Variants in ACYP2 observed in about 807,000 individuals in gnomAD.
ACYP2 encodes acylphosphatase-2.
In ACYP2, 12 loss-of-function variants were observed where a neutral mutation model predicts 11.2. The observed-to-expected ratio is 1.08, with a 90% CI of 0.69 to 1.74. The LOEUF (loss-of-function observed/expected upper bound fraction) is 1.74, where lower values mean the gene tolerates loss of function less well. ACYP2 is among the 40% of genes most tolerant of loss of function. The pLI is 0.00. For missense variants in ACYP2, 134 were observed against 101.9 expected, an observed-to-expected ratio of 1.31 and a Z score of -1.35; for synonymous variants, 43 against 32.2, an observed-to-expected ratio of 1.33 and a Z score of -1.13.
At chr2:54,266,483 A>G (rs1558655638) in intron 6 of ACYP2, among the ~76,000 whole-genome samples, 1 of 151,336 alleles carries the variant, frequency 6.6e-6, no homozygotes, top group Admixed American at 6.6e-5. Context: ...ACCAGGTACT[A>G]TCATTGGCCC....
rs1035872803 is a variant in ACYP2, at chr2:54,143,640, G to A, written c.404+4892G>A. 4.7e-5 allele frequency among the ~76,000 whole-genome samples: 7 copies of A among 149,632 alleles called. No individual in the cohort carries two copies. The South Asian group carries it at 6.3e-4, about 14-fold the overall frequency. On this transcript the variant is annotated intron_variant, in intron 6 of 6. Transcript: ENST00000607452. ...GTAGAGACAGGGTTTCACCATATTC[G>A]CCAGGCTGGCCTCGAACTCCTGACC...
At chr2:54,292,091 G>C (rs1374159498) in intron 6 of ACYP2, among the ~76,000 whole-genome samples, 3 of 152,112 alleles carry the variant, frequency 2.0e-5, no homozygotes, top group African/African-American at 7.2e-5. Context: ...TGTCCAGGCT[G>C]GTCTCAAACT....
intron 6 of ACYP2, chr2:54,142,162 T>C (rs1681646250): frequency 2.7e-6 from 1 of 365,796 alleles, no homozygotes; most frequent in Non-Finnish European, 4.9e-6. Context: ...AAATAAACTT[T>C]ATTTTTGAGA....
chr2:54,290,640 A>G, intron 6 of ACYP2, among the ~76,000 whole-genome samples: 1 of 152,188 alleles, frequency 6.6e-6, no homozygotes, highest in East Asian at 1.9e-4. Flanking sequence ...ACAATTTGGC[A>G]CTAGATTATC....
chr2:54,223,045 A>G (rs1685865380), intron 6 of ACYP2: 1 of 152,082 alleles, frequency 6.6e-6, no homozygotes, highest in Admixed American at 6.6e-5. Context: ...ATACCCAACA[A>G]CTTTGGAGTC....
At chr2:54,280,506 G>A (rs1420792569) in intron 6 of ACYP2, among the ~76,000 whole-genome samples, 1 of 151,964 alleles carries the variant, frequency 6.6e-6, no homozygotes, top group East Asian at 1.9e-4. Context: ...AAGATTAAGA[G>A]AACACAAAAT....
At chr2:54,224,951 G>A (rs1359564847) in intron 6 of ACYP2, among the ~76,000 whole-genome samples, 1 of 152,200 alleles carries the variant, frequency 6.6e-6, no homozygotes, top group African/African-American at 2.4e-5. Flanking sequence ...AGGAAAGCAA[G>A]GTTGCTCTTA....
At chr2:54,078,465 T>TATC (rs1195270633) in intron 4 of ACYP2, among the ~76,000 whole-genome samples, 1 of 151,388 alleles carries the variant, frequency 6.6e-6, no homozygotes, top group Admixed American at 6.6e-5. Flanking sequence ...CTATTATTAT[T>TATC]ATCTGTACAA....
At chr2:54,177,576 ATT>A (rs370517956) in intron 6 of ACYP2, among the ~76,000 whole-genome samples, 5 of 130,768 alleles carry the variant, frequency 3.8e-5, no homozygotes, top group Admixed American at 1.6e-4. Context: ...GATACCTACT[ATT>A]TTTTTTTTTT....
intron 4 of ACYP2, among the ~76,000 whole-genome samples, chr2:54,089,789 G>A (rs1028102384): frequency 6.6e-6 from 1 of 151,890 alleles, no homozygotes; most frequent in Non-Finnish European, 1.5e-5. Context: ...TCTTTAACAT[G>A]TTCATCAAGT....
intron 2 of ACYP2, among the ~76,000 whole-genome samples, chr2:53,984,644 A>G (rs1402310610): frequency 1.3e-5 from 2 of 149,794 alleles, no homozygotes; most frequent in Non-Finnish European, 3.0e-5. Flanking sequence ...TATATAGCAT[A>G]TATATAAAAT....
At chr2:54,188,674 C>G (rs367849939) in intron 6 of ACYP2, among the ~76,000 whole-genome samples, 1 of 152,138 alleles carries the variant, frequency 6.6e-6, no homozygotes, top group African/African-American at 2.4e-5. Context: ...AAGAAACAAA[C>G]CATACAGCCT....
chr2:54,278,913 G>T (rs997860218), intron 6 of ACYP2, among the ~76,000 whole-genome samples: 1 of 152,174 alleles, frequency 6.6e-6, no homozygotes, highest in African/African-American at 2.4e-5. Flanking sequence ...AAACAAGGAA[G>T]AATGACATTT....
At chr2:54,269,238 G>T (rs1688173338) in intron 6 of ACYP2, among the ~76,000 whole-genome samples, 1 of 152,194 alleles carries the variant, frequency 6.6e-6, no homozygotes, top group Non-Finnish European at 1.5e-5. Flanking sequence ...ATGAGCCACT[G>T]TGCCCAGCCT....
intron 4 of ACYP2, among the ~76,000 whole-genome samples, chr2:54,130,320 G>C (rs1264203081): frequency 6.6e-6 from 1 of 152,086 alleles, no homozygotes; most frequent in Non-Finnish European, 1.5e-5. Context: ...TAGGGGGCTT[G>C]GCATCTTTAA....
intron 4 of ACYP2, among the ~76,000 whole-genome samples, chr2:54,063,292 A>G (rs892332684): frequency 1.3e-5 from 2 of 152,150 alleles, no homozygotes; most frequent in Non-Finnish European, 2.9e-5. Context: ...GGCCATAATA[A>G]TAATTATTAA....
At chr2:54,301,398 T>C (rs577380921) in intron 6 of ACYP2, among the ~76,000 whole-genome samples, 43 of 152,300 alleles carry the variant, frequency 2.8e-4, no homozygotes, top group African/African-American at 1.0e-3. Flanking sequence ...CCTTCTCCCT[T>C]TATATAATAT....
chr2:53,996,323 G>A (rs1026599461), intron 2 of ACYP2, among the ~76,000 whole-genome samples: 2 of 152,110 alleles, frequency 1.3e-5, no homozygotes, highest in Non-Finnish European at 2.9e-5. Flanking sequence ...GTGGAATGGT[G>A]ATGGGGATGT....
At chr2:54,212,907 C>CTT (rs34494353) in intron 6 of ACYP2, among the ~76,000 whole-genome samples, 2 of 140,924 alleles carry the variant, frequency 1.4e-5, no homozygotes, top group African/African-American at 2.6e-5. Flanking sequence ...TGCCACTTTA[C>CTT]TTTTTTTTTT....
Sources: gnomAD v4.1 joint callset for allele counts (sites outside exome capture counted in the v4.1 genomes callset) on GRCh38, gnomAD v4.1.1 for gene constraint, MANE v1.5 for transcripts, NCBI Gene and HGNC (gene_info 2026-07-23, HGNC 2026-07-21) for gene names.